Variants in BMPR2 observed in about 807,000 individuals in gnomAD.
The protein encoded by BMPR2 is bone morphogenetic protein receptor type 2.
In BMPR2, 29 loss-of-function variants were observed where a neutral mutation model predicts 100.8. The ratio of observed to expected loss-of-function variants is 0.29; its 90% CI spans 0.21 to 0.39. The LOEUF (loss-of-function observed/expected upper bound fraction) is 0.39. Among genes scored for constraint, BMPR2 ranks in the 10% least tolerant of loss-of-function variants. BMPR2 has a pLI of 1.00. For synonymous variants in BMPR2, 382 were observed against 442.3 expected, an observed-to-expected ratio of 0.86 and a Z score of 1.71; for missense variants, 1,011 against 1,274.5, an observed-to-expected ratio of 0.79 and a Z score of 3.15.
intron 1 of BMPR2, among the ~76,000 whole-genome samples, chr2:202,426,483 C>T (rs1367421304): frequency 4.1e-5 from 6 of 147,956 alleles, no homozygotes; most frequent in Non-Finnish European, 7.4e-5. Context: ...CAGGAGGAAT[C>T]GCTTGAACCT....
Position 202,464,987 on chromosome 2 carries a change from A to G in BMPR2, c.247+8A>G, listed in dbSNP as rs745717516. The G allele has an allele frequency of 1.3e-5, 21 of 1,613,710 alleles. No individual in the cohort carries two copies. The highest frequency in any genetic ancestry group is 1.7e-5 in the Non-Finnish European group (20 of 1,179,638). On this transcript the variant is annotated splice_region_variant and intron_variant, in intron 2 of 12. Coordinates refer to ENST00000374580, the MANE Select transcript of BMPR2 (RefSeq NM_001204.7). ...TAAATCTTGTAAAACAAGGCAAGTG[A>G]TACTTTCCTTACCTGAAATGACTGT... is the stretch of plus-strand genomic sequence containing the variant.
chr2:202,480,852 G>A (rs1364598226), intron 3 of BMPR2, among the ~76,000 whole-genome samples: 1 of 151,268 alleles, frequency 6.6e-6, no homozygotes, highest in East Asian at 1.9e-4. Flanking sequence ...CTACTCAGGA[G>A]GCTGAGGCAG....
chr2:202,448,751 C>T (rs1023800129), intron 1 of BMPR2, among the ~76,000 whole-genome samples: 1 of 151,928 alleles, frequency 6.6e-6, no homozygotes, highest in Non-Finnish European at 1.5e-5. Flanking sequence ...CCACCGCGCC[C>T]GGCCTCTTTA....
At chr2:202,486,911 T>G (rs1220157809) in intron 3 of BMPR2, among the ~76,000 whole-genome samples, 1 of 152,166 alleles carries the variant, frequency 6.6e-6, no homozygotes, top group Non-Finnish European at 1.5e-5. Flanking sequence ...ACGCCTGTAG[T>G]GCCAGCCACT....
At chr2:202,452,059 G>A (rs561662325) in intron 1 of BMPR2, among the ~76,000 whole-genome samples, 56 of 151,972 alleles carry the variant, frequency 3.7e-4, no homozygotes, top group African/African-American at 1.3e-3. Flanking sequence ...TGGCCAATTC[G>A]GTGAGTTTTT....
chr2:202,553,374 A>G (rs527647545), intron 11 of BMPR2, among the ~76,000 whole-genome samples: 2 of 152,188 alleles, frequency 1.3e-5, no homozygotes, highest in South Asian at 2.1e-4. Flanking sequence ...TACTACTTTT[A>G]TATGAAAGCA....
chr2:202,484,150 A>G (rs1692720386), intron 3 of BMPR2, among the ~76,000 whole-genome samples: 1 of 152,240 alleles, frequency 6.6e-6, no homozygotes, highest in African/African-American at 2.4e-5. Context: ...AAGCTATGGT[A>G]AAGTCAAAAA....
intron 3 of BMPR2, among the ~76,000 whole-genome samples, chr2:202,506,646 A>T (rs977974656): frequency 6.6e-6 from 1 of 151,974 alleles, no homozygotes; most frequent in Non-Finnish European, 1.5e-5. Flanking sequence ...CACACCTGTA[A>T]TCCCAGCAGT....
chr2:202,428,649 C>T (rs1366722605), intron 1 of BMPR2, among the ~76,000 whole-genome samples: 2 of 152,130 alleles, frequency 1.3e-5, no homozygotes, highest in Non-Finnish European at 2.9e-5. Flanking sequence ...TGAAGCGATC[C>T]TGCCTGCTCA....
intron 3 of BMPR2, among the ~76,000 whole-genome samples, chr2:202,512,941 G>C (rs1687650352): frequency 6.6e-6 from 1 of 150,678 alleles, no homozygotes; most frequent in Non-Finnish European, 1.5e-5. Flanking sequence ...GATAATATAT[G>C]CTTTTTTAAA....
chr2:202,487,366 T>C (rs556406454), intron 3 of BMPR2, among the ~76,000 whole-genome samples: 27 of 152,316 alleles, frequency 1.8e-4, no homozygotes, highest in Middle Eastern at 3.4e-3. Context: ...ATCAGATTCA[T>C]ACATCAGAGT....
chr2:202,435,318 C>T (rs1691592163), intron 1 of BMPR2, among the ~76,000 whole-genome samples: 1 of 143,020 alleles, frequency 7.0e-6, no homozygotes. Flanking sequence ...GAGCTGAGAT[C>T]ATGCCACTGC....
At chr2:202,494,923 AG>A (rs1202317646) in intron 3 of BMPR2, among the ~76,000 whole-genome samples, 2 of 152,150 alleles carry the variant, frequency 1.3e-5, no homozygotes, top group East Asian at 3.8e-4. Context: ...AAATGGGAAA[AG>A]TTCCCTTGTC....
intron 1 of BMPR2, among the ~76,000 whole-genome samples, chr2:202,446,016 T>G (rs2105943342): frequency 6.7e-6 from 1 of 150,194 alleles, no homozygotes; most frequent in East Asian, 2.0e-4. Flanking sequence ...CCTCGTGATC[T>G]GCCCATCTTG....
rs139591065 is a variant in BMPR2, at chr2:202,555,416, G to T, written c.1751G>T (p.Arg584Leu). The stretch of plus-strand genomic sequence containing the variant: ...CCTTTGACTATAGGGGAAAAAAACC[G>T]AAATTCAATTAACTATGAACGACAG... ...STPLTIGEKNRNSINYERQQA... is the reference protein window; with the variant it reads ...STPLTIGEKNLNSINYERQQA... The change falls in exon 12 of 13, where the codon CGA becomes CTA. Residue 584 changes from arginine to leucine, a missense_variant. Coordinates refer to ENST00000374580, the MANE Select transcript of BMPR2 (RefSeq NM_001204.7). 1.9e-5 allele frequency: 30 copies of T among 1,613,960 alleles called. 1 individual carries two copies. The African/African-American group carries it at 3.9e-4, about 21-fold the overall frequency.
intron 3 of BMPR2, among the ~76,000 whole-genome samples, chr2:202,492,724 C>CAAAAAAAAAAAAAAAAAAAAAAAAA: frequency 8.8e-6 from 1 of 113,828 alleles, no homozygotes; most frequent in Non-Finnish European, 1.9e-5. Flanking sequence ...AAAAAAAAAA[C>CAAAAAAAAAAAAAAAAAAAAAAAAA]CAAAAAAAAA....
rs1186841859 is a variant in BMPR2, at chr2:202,377,128, C to G, written c.-347C>G. The G allele has an allele frequency of 1.0e-5, 6 of 586,330 alleles. No homozygotes were observed. Among genetic ancestry groups the G allele is most frequent in the African/African-American group, 1.9e-5 (1 of 53,388 alleles). 36.3% of individuals were successfully genotyped at this position (586,330 alleles called of 1,614,324 possible). On this transcript the variant is annotated 5_prime_UTR_variant, in exon 1 of 13. Coordinates refer to ENST00000374580, the MANE Select transcript of BMPR2 (RefSeq NM_001204.7). ...ACCCTGGATATGTTTTCTCCCAGAC[C>G]TGGATATTTTTTTGATATCGTGAAA...
chr2:202,391,835 C>T (rs1469180884), intron 1 of BMPR2, among the ~76,000 whole-genome samples: 2 of 151,714 alleles, frequency 1.3e-5, no homozygotes, highest in African/African-American at 4.8e-5. Flanking sequence ...AATCTTGGCT[C>T]ACTGCAACCT....
intron 5 of BMPR2, 55 bp downstream of exon 5, chr2:202,515,034 A>G: frequency 1.4e-6 from 2 of 1,428,576 alleles, no homozygotes; most frequent in Non-Finnish European, 2.0e-6. Flanking sequence ...CTAGACCTGG[A>G]ACAGTGACTT....
Sources: gnomAD v4.1 joint callset for allele counts (sites outside exome capture counted in the v4.1 genomes callset) on GRCh38, gnomAD v4.1.1 for gene constraint, MANE v1.5 for transcripts, NCBI Gene and HGNC (gene_info 2026-07-23, HGNC 2026-07-21) for gene names.